Variants in GLIPR1L2 observed in about 807,000 individuals in gnomAD.
GLIPR1L2 encodes the protein GLIPR1 like 2, also known as GLIPR1-like protein 2.
In GLIPR1L2, 21 loss-of-function variants were observed where a neutral mutation model predicts 28.4. That is an observed-to-expected ratio of 0.74 (90% confidence interval 0.52 to 1.06). The LOEUF (loss-of-function observed/expected upper bound fraction) is 1.06, where lower values mean the gene tolerates loss of function less well. GLIPR1L2 is among the 50% of genes least tolerant of loss of function. GLIPR1L2 has a pLI of 0.00. For missense variants in GLIPR1L2, 476 were observed against 416.9 expected (o/e 1.14, Z -1.23); for synonymous variants, 145 against 139.3 (o/e 1.04, Z -0.29).
At position 75,432,081 on chromosome 12, in the gene GLIPR1L2, G is replaced by GACT. The variant is rs1401397781; in HGVS notation, c.*921_*922insCTA. ...ATATTCATGGATCAACTTTGTAAAG[G>GACT]AATCAATAGTAGTTGTGAAGTACAC... is the stretch of plus-strand genomic sequence containing the variant. On this transcript the variant is annotated 3_prime_UTR_variant, in exon 6 of 6. Coordinates refer to ENST00000550916, the MANE Select transcript of GLIPR1L2 (RefSeq NM_001270396.2). The GACT allele has an allele frequency of 6.6e-6, 1 of 151,992 alleles. No homozygotes were observed. The highest frequency in any genetic ancestry group is 1.5e-5 in the Non-Finnish European group (1 of 67,952). The allele number at this position is 151,992 out of a possible 1,614,324, so 9.4% of individuals were successfully genotyped here. A position where few individuals can be genotyped will look rare whatever the true frequency, so the allele number is the denominator to read the frequency against.
Position 75,410,533 on chromosome 12 carries a change from A to G in GLIPR1L2, c.334A>G (p.Lys112Glu), listed in dbSNP as rs150816381. Residue 112 changes from lysine to glutamate, a missense_variant, in exon 2 of 6, where the codon AAA becomes GAA. By Grantham distance (56) the Lys-to-Glu change is moderately conservative. Coordinates refer to ENST00000550916, the MANE Select transcript of GLIPR1L2 (RefSeq NM_001270396.2). The part of the protein sequence containing the change: ...YLQDVQMVHP[K>E]FYGIGENMWV... ...ACAAGATGTACAAATGGTCCATCCT[A>G]AATTTTATGGTATTGGTGAAAATAT... is the stretch of plus-strand genomic sequence containing the variant. 2.2e-5 allele frequency: 36 copies of G among 1,612,332 alleles called. No individual in the cohort carries two copies. The African/African-American group carries it at 4.1e-4, about 19-fold the overall frequency.
At chr12:75,409,794 G>A (rs111393259) in intron 1 of GLIPR1L2, among the ~76,000 whole-genome samples, 46,643 of 144,298 alleles carry the variant, frequency 0.32, 8,296 homozygotes, top group East Asian at 0.47. Flanking sequence ...ATATATATAA[G>A]ATGTATATCT....
intron 1 of GLIPR1L2, among the ~76,000 whole-genome samples, chr12:75,397,987 C>G (rs1429807997): frequency 6.6e-6 from 1 of 151,158 alleles, no homozygotes; most frequent in African/African-American, 2.4e-5. Context: ...ATTTCTGGCA[C>G]CTGAGTATTA....
rs951374965 is a variant in GLIPR1L2 at position 75,410,541 on chromosome 12, T to C, written c.342T>C (p.Tyr114=). ...TACAAATGGTCCATCCTAAATTTTA[T>C]GGTATTGGTGAAAATATGTGGGTCG... is the stretch of plus-strand genomic sequence containing the variant. ...QDVQMVHPKF[Y]GIGENMWVGP... Residue 114 remains tyrosine (Y), a synonymous_variant, in exon 2 of 6, where the codon TAT becomes TAC. Transcript: ENST00000550916. 1.9e-6 allele frequency: 3 copies of C among 1,612,270 alleles called. No homozygotes were observed. The highest frequency in any genetic ancestry group is 1.3e-5 in the African/African-American group (1 of 74,836).
intron 4 of GLIPR1L2, among the ~76,000 whole-genome samples, chr12:75,428,170 G>A (rs762364856): frequency 6.6e-6 from 1 of 152,210 alleles, no homozygotes; most frequent in Non-Finnish European, 1.5e-5. Flanking sequence ...AATGCTGATA[G>A]TGATATGGAC....
chr12:75,397,198 T>G (rs1477242667), intron 1 of GLIPR1L2, among the ~76,000 whole-genome samples: 1 of 152,118 alleles, frequency 6.6e-6, no homozygotes, highest in East Asian at 1.9e-4. Flanking sequence ...ATTCACTAGT[T>G]TTCTCTTCAG....
At chr12:75,395,585 C>A (rs1443843169) in intron 1 of GLIPR1L2, among the ~76,000 whole-genome samples, 1 of 151,234 alleles carries the variant, frequency 6.6e-6, no homozygotes, top group Non-Finnish European at 1.5e-5. Context: ...TGGTTCTGGG[C>A]TTTTCTTTGT....
chr12:75,421,971 T>A (rs950848727), intron 3 of GLIPR1L2, among the ~76,000 whole-genome samples: 4 of 135,734 alleles, frequency 2.9e-5, no homozygotes, highest in African/African-American at 1.1e-4. Context: ...CTATATCATT[T>A]ATTTTTAAAT....
intron 4 of GLIPR1L2, chr12:75,424,040 G>A (rs1289679827): frequency 2.0e-5 from 3 of 152,188 alleles, no homozygotes; most frequent in Non-Finnish European, 2.9e-5. Context: ...GTTTGCAGGT[G>A]TCTTTATGGT....
intron 2 of GLIPR1L2, among the ~76,000 whole-genome samples, chr12:75,411,328 A>T (rs924380672): frequency 6.6e-6 from 1 of 151,902 alleles, no homozygotes; most frequent in African/African-American, 2.4e-5. Flanking sequence ...TGTTTCAGGA[A>T]TCAAGAAATT....
At chr12:75,417,768 GA>G (rs1443531617) in intron 3 of GLIPR1L2, among the ~76,000 whole-genome samples, 1 of 131,892 alleles carries the variant, frequency 7.6e-6, no homozygotes, top group Non-Finnish European at 1.7e-5. Flanking sequence ...TAATGTATCA[GA>G]AAAAAACTGA....
chr12:75,395,580 C>T (rs1324437194), intron 1 of GLIPR1L2, among the ~76,000 whole-genome samples: 1 of 151,598 alleles, frequency 6.6e-6, no homozygotes, highest in Non-Finnish European at 1.5e-5. Flanking sequence ...CCATCTGGTT[C>T]TGGGCTTTTC....
At chr12:75,415,065 G>T (rs980312052) in intron 3 of GLIPR1L2, among the ~76,000 whole-genome samples, 3 of 152,094 alleles carry the variant, frequency 2.0e-5, no homozygotes, top group African/African-American at 7.2e-5. Flanking sequence ...CCAGGTAGAA[G>T]TATGTTCCAG....
chr12:75,413,201 G>C (rs7975447), intron 2 of GLIPR1L2, among the ~76,000 whole-genome samples: 43,191 of 149,480 alleles, frequency 0.29, 7,871 homozygotes, highest in East Asian at 0.46. Context: ...GTTGTGGGGT[G>C]GGGGGAAGGG....
chr12:75,429,131 C>T (rs2046064780), intron 4 of GLIPR1L2, among the ~76,000 whole-genome samples: 2 of 152,176 alleles, frequency 1.3e-5, no homozygotes, highest in Admixed American at 1.3e-4. Context: ...ACAACTTGCA[C>T]TATGTGCCTG....
intron 4 of GLIPR1L2, among the ~76,000 whole-genome samples, chr12:75,429,934 CTTTCTTT>C (rs2046073933): frequency 7.8e-6 from 1 of 128,582 alleles, no homozygotes; most frequent in African/African-American, 2.9e-5. Flanking sequence ...CTTTTCTTTT[CTTTCTTT>C]TTTTTTTTTT....
chr12:75,402,556 TCA>T (rs1162737261), intron 1 of GLIPR1L2, among the ~76,000 whole-genome samples: 1 of 152,236 alleles, frequency 6.6e-6, no homozygotes, highest in Non-Finnish European at 1.5e-5. Context: ...TTACTCTTCC[TCA>T]GTCACATTGT....
rs1399640135 is a variant in GLIPR1L2 at position 75,432,168 on chromosome 12, A to G, written c.*1007A>G. 2 of 152,154 alleles carry G rather than the reference A, an allele frequency of 1.3e-5. No homozygotes were observed. Among genetic ancestry groups the G allele is most frequent in the Non-Finnish European group, 1.5e-5 (1 of 67,994 alleles). The allele number at this position is 152,154 out of a possible 1,614,324, so 9.4% of individuals were successfully genotyped here. A position where few individuals can be genotyped will look rare whatever the true frequency, so the allele number is the denominator to read the frequency against. Reference sequence around the variant, plus strand: ...AAAATATTCCTGAACTCAGCACCTTATATGGCAAAATAATAAATACCTTTT... The same window carrying G: ...AAAATATTCCTGAACTCAGCACCTTGTATGGCAAAATAATAAATACCTTTT... On this transcript the variant is annotated 3_prime_UTR_variant, in exon 6 of 6. Transcript: ENST00000550916.
intron 1 of GLIPR1L2, among the ~76,000 whole-genome samples, chr12:75,409,567 A>G (rs11180493): frequency 1.4e-4 from 14 of 98,900 alleles, no homozygotes; most frequent in South Asian, 6.7e-4. Flanking sequence ...GTGTGTGTGT[A>G]TATATATATA....
Sources: allele counts gnomAD v4.1 joint callset (sites outside exome capture counted in the v4.1 genomes callset), GRCh38; gene constraint gnomAD v4.1.1; transcripts MANE v1.5; gene names NCBI Gene and HGNC (gene_info 2026-07-23, HGNC 2026-07-21).